MAGI1: variants seen among roughly 807,000 people sequenced by gnomAD.
The protein encoded by MAGI1 is membrane associated guanylate kinase, WW and PDZ domain containing 1.
In MAGI1, 58 loss-of-function variants were observed where a neutral mutation model predicts 139.9. That is an observed-to-expected ratio of 0.41 (90% confidence interval 0.34 to 0.52). The LOEUF (loss-of-function observed/expected upper bound fraction) is 0.52. Ranked by LOEUF, MAGI1 falls within the 20% of genes least tolerant of loss-of-function variation. The probability of loss-of-function intolerance (pLI) is 0.12; values close to 1 mark genes in which losing one functional copy is unlikely to be tolerated. For missense variants in MAGI1, 1,874 were observed against 1,901.6 expected (o/e 0.99, Z 0.27); for synonymous variants, 812 against 737.9 (o/e 1.10, Z -1.63).
At chr3:65,498,190 T>C (rs980925692) in intron 2 of MAGI1, among the ~76,000 whole-genome samples, 2 of 151,850 alleles carry the variant, frequency 1.3e-5, no homozygotes, top group African/African-American at 4.8e-5. Context: ...TTATAAACCA[T>C]GCTTCTAACA....
intron 1 of MAGI1, chr3:65,844,505 CTA>C (rs1169494901): frequency 3.7e-6 from 1 of 268,812 alleles, no homozygotes. Context: ...ACACTACAAG[CTA>C]TGTCCTCTTC....
chr3:65,837,906 T>C (rs1004107441), intron 1 of MAGI1, among the ~76,000 whole-genome samples: 4 of 152,192 alleles, frequency 2.6e-5, no homozygotes, highest in African/African-American at 9.7e-5. Flanking sequence ...ATTTTTAAAC[T>C]TTTTATTTTG....
intron 1 of MAGI1, among the ~76,000 whole-genome samples, chr3:66,025,234 G>C (rs1027662573): frequency 6.6e-6 from 1 of 152,120 alleles, no homozygotes; most frequent in African/African-American, 2.4e-5. Flanking sequence ...TCTACATATA[G>C]TATTTTTTTA....
intron 1 of MAGI1, among the ~76,000 whole-genome samples, chr3:65,916,267 C>T (rs1015475996): frequency 1.3e-5 from 2 of 152,018 alleles, no homozygotes; most frequent in African/African-American, 4.8e-5. Flanking sequence ...CGGGGTTTCG[C>T]CATGATAGCT....
intron 10 of MAGI1, 109 bp downstream of exon 10, chr3:65,437,046 T>C (rs1947904753): frequency 3.4e-6 from 2 of 593,536 alleles, no homozygotes; most frequent in East Asian, 2.8e-5. Context: ...TGGTTTTCAC[T>C]ATCAAAGGAA....
intron 1 of MAGI1, among the ~76,000 whole-genome samples, chr3:65,981,283 T>G (rs897647027): frequency 2.6e-5 from 4 of 152,192 alleles, no homozygotes. Flanking sequence ...TGTAGAACAT[T>G]TTAAACATCA....
At chr3:65,376,921 G>A (rs567160712) in intron 17 of MAGI1, among the ~76,000 whole-genome samples, 1 of 152,186 alleles carries the variant, frequency 6.6e-6, no homozygotes, top group Non-Finnish European at 1.5e-5. Context: ...AGAGGTGGCT[G>A]GCTTTGAGGC....
intron 16 of MAGI1, among the ~76,000 whole-genome samples, chr3:65,381,602 T>G (rs528705384): frequency 6.6e-6 from 1 of 152,172 alleles, no homozygotes; most frequent in Non-Finnish European, 1.5e-5. Flanking sequence ...GGCTAAGTTC[T>G]GATTTGCAAG....
intron 1 of MAGI1, among the ~76,000 whole-genome samples, chr3:65,897,046 G>T (rs923821218): frequency 2.6e-5 from 4 of 152,010 alleles, no homozygotes. Flanking sequence ...ACATCCTCCT[G>T]TATAGTTTAA....
intron 1 of MAGI1, among the ~76,000 whole-genome samples, chr3:65,680,205 G>A (rs2087484793): frequency 6.6e-6 from 1 of 152,092 alleles, no homozygotes; most frequent in Non-Finnish European, 1.5e-5. Context: ...GGATTCCAGT[G>A]CCCTACCCAT....
intron 2 of MAGI1, among the ~76,000 whole-genome samples, chr3:65,529,847 TAC>T (rs770156630): frequency 1.8e-4 from 27 of 152,172 alleles, no homozygotes; most frequent in Middle Eastern, 3.2e-3. Context: ...AAATATAATA[TAC>T]ACACAGTAGC....
chr3:65,499,874 T>C (rs1335688845), intron 2 of MAGI1, among the ~76,000 whole-genome samples: 1 of 152,170 alleles, frequency 6.6e-6, no homozygotes, highest in Non-Finnish European at 1.5e-5. Context: ...AGAGATGAAA[T>C]GATTGTTTAA....
chr3:65,698,801 A>G (rs1459379168), intron 1 of MAGI1, among the ~76,000 whole-genome samples: 1 of 145,032 alleles, frequency 6.9e-6, no homozygotes, highest in African/African-American at 2.6e-5. Flanking sequence ...ATTACCATTC[A>G]GGACATAGGC....
chr3:66,037,187 A>G (rs1234601297), intron 1 of MAGI1, among the ~76,000 whole-genome samples: 1 of 152,218 alleles, frequency 6.6e-6, no homozygotes, highest in Non-Finnish European at 1.5e-5. Flanking sequence ...GTATATAAAT[A>G]AGAACAACTC....
At chr3:65,565,184 T>C (rs2108036381) in intron 2 of MAGI1, among the ~76,000 whole-genome samples, 1 of 152,264 alleles carries the variant, frequency 6.6e-6, no homozygotes, top group Middle Eastern at 3.4e-3. Flanking sequence ...AGAAAAAAGG[T>C]GCATGATTTA....
intron 2 of MAGI1, among the ~76,000 whole-genome samples, chr3:65,615,602 AG>A (rs2083329301): frequency 6.6e-6 from 1 of 152,196 alleles, no homozygotes; most frequent in African/African-American, 2.4e-5. Flanking sequence ...GGATGCTCCA[AG>A]TTCCTCAATG....
chr3:65,718,763 C>T (rs1357272169), intron 1 of MAGI1: 1 of 152,096 alleles, frequency 6.6e-6, no homozygotes, highest in South Asian at 2.1e-4. Flanking sequence ...TCATATGAAT[C>T]TCCCAGAAAC....
At chr3:65,471,106 T>C (rs1449966079) in intron 4 of MAGI1, among the ~76,000 whole-genome samples, 2 of 152,156 alleles carry the variant, frequency 1.3e-5, no homozygotes, top group Non-Finnish European at 2.9e-5. Context: ...AAAAGTTATG[T>C]TCCTGTGAAA....
At chr3:65,573,196 T>C (rs917798776) in intron 2 of MAGI1, among the ~76,000 whole-genome samples, 24 of 152,044 alleles carry the variant, frequency 1.6e-4, no homozygotes, top group Non-Finnish European at 2.9e-4. Flanking sequence ...ACTGCACATA[T>C]TATACAACTC....
Sources: gnomAD v4.1 joint callset for allele counts (sites outside exome capture counted in the v4.1 genomes callset) on GRCh38, gnomAD v4.1.1 for gene constraint, MANE v1.5 for transcripts, NCBI Gene and HGNC (gene_info 2026-07-23, HGNC 2026-07-21) for gene names.